The following STK3 variants were observed in gnomAD, a reference collection of about 807,000 sequenced individuals.
The protein encoded by STK3 is serine/threonine-protein kinase 3.
In STK3, 41 loss-of-function variants were observed where a neutral mutation model predicts 58.0. The ratio of observed to expected loss-of-function variants is 0.71; its 90% CI spans 0.55 to 0.92. STK3 has a LOEUF of 0.92. STK3 is among the 40% of genes least tolerant of loss of function. The pLI, the probability that STK3 is intolerant of heterozygous loss-of-function variation, is 0.00. For synonymous variants in STK3, 170 were observed against 191.0 expected (o/e 0.89, Z 0.91); for missense variants, 479 against 602.7 (o/e 0.79, Z 2.15).
intron 1 of STK3, among the ~76,000 whole-genome samples, chr8:98,814,120 A>G (rs1268007605): frequency 2.0e-5 from 3 of 152,018 alleles, no homozygotes; most frequent in African/African-American, 7.3e-5. Context: ...GCATGATCTC[A>G]GTTCACTGCA....
chr8:98,750,581 C>T (rs1452757526), intron 3 of STK3, among the ~76,000 whole-genome samples: 2 of 151,480 alleles, frequency 1.3e-5, no homozygotes, highest in East Asian at 1.9e-4. Flanking sequence ...TTTAGCTATG[C>T]TCTAACACTG....
At chr8:98,682,668 C>T (rs1823722293) in intron 6 of STK3, among the ~76,000 whole-genome samples, 1 of 152,064 alleles carries the variant, frequency 6.6e-6, no homozygotes, top group African/African-American at 2.4e-5. Context: ...CAGCTGAATT[C>T]TATTCTACAG....
intron 1 of STK3, among the ~76,000 whole-genome samples, chr8:98,795,565 T>G (rs922076138): frequency 4.6e-5 from 7 of 151,822 alleles, no homozygotes; most frequent in African/African-American, 1.5e-4. Context: ...AAGAAAGAAA[T>G]AAAAGGCATC....
intron 1 of STK3, among the ~76,000 whole-genome samples, chr8:98,923,833 G>C (rs1839665612): frequency 8.9e-6 from 1 of 111,836 alleles, no homozygotes; most frequent in South Asian, 2.8e-4. Flanking sequence ...AAAAACGTGT[G>C]TGTGTGTGTG....
chr8:98,502,479 G>T (rs1823687322), intron 10 of STK3, among the ~76,000 whole-genome samples: 1 of 152,140 alleles, frequency 6.6e-6, no homozygotes, highest in Non-Finnish European at 1.5e-5. Context: ...TCCCTGTCTT[G>T]TGCAAGTTTT....
At chr8:98,880,703 C>T (rs904285972), downstream of STK3, 11 of 152,030 alleles carry the variant, frequency 7.2e-5, no homozygotes, top group South Asian at 2.1e-4. Context: ...GATATACAGA[C>T]GGAAAATAAG....
At chr8:98,866,155 C>T (rs968315296) in intron 3 of STK3, among the ~76,000 whole-genome samples, 6 of 152,250 alleles carry the variant, frequency 3.9e-5, no homozygotes, top group African/African-American at 1.4e-4. Context: ...GTTCTCAAAG[C>T]ACCTCCTGTT....
chr8:98,492,264 G>A (rs1169502000), intron 10 of STK3, among the ~76,000 whole-genome samples: 1 of 152,172 alleles, frequency 6.6e-6, no homozygotes, highest in Non-Finnish European at 1.5e-5. Context: ...TAAAAACAAA[G>A]CAAGCAGTAA....
At chr8:98,735,895 G>A (rs1015679003) in intron 4 of STK3, among the ~76,000 whole-genome samples, 1 of 152,164 alleles carries the variant, frequency 6.6e-6, no homozygotes, top group South Asian at 2.1e-4. Flanking sequence ...AGATTTTGAA[G>A]GTCCTTCTTT....
At chr8:98,638,077 C>T (rs954425823) in intron 6 of STK3, among the ~76,000 whole-genome samples, 2 of 151,814 alleles carry the variant, frequency 1.3e-5, no homozygotes, top group African/African-American at 4.8e-5. Flanking sequence ...TTTTTTTTGG[C>T]TAAGAAATTT....
chr8:98,411,083 G>C (rs908784707), intron 3 of STK3, among the ~76,000 whole-genome samples: 3 of 152,154 alleles, frequency 2.0e-5, no homozygotes, highest in African/African-American at 7.2e-5. Context: ...ATTTGTACAC[G>C]CCTACTAAGT....
chr8:98,496,858 G>A (rs1004305445), intron 10 of STK3, among the ~76,000 whole-genome samples: 2 of 151,988 alleles, frequency 1.3e-5, no homozygotes, highest in Admixed American at 6.6e-5. Flanking sequence ...TTTCAGATTT[G>A]TAAGATGAAA....
At chr8:98,732,623 G>A (rs1432594986) in intron 4 of STK3, among the ~76,000 whole-genome samples, 1 of 152,042 alleles carries the variant, frequency 6.6e-6, no homozygotes, top group Non-Finnish European at 1.5e-5. Context: ...CAAAACAAAG[G>A]TAAAAACCAA....
intron 1 of STK3, among the ~76,000 whole-genome samples, chr8:98,922,372 C>T (rs1839598298): frequency 6.6e-6 from 1 of 152,210 alleles, no homozygotes; most frequent in Non-Finnish European, 1.5e-5. Flanking sequence ...GAACCACCTA[C>T]CTCCAGCCTT....
chr8:98,656,812 T>A (rs1219955011), intron 6 of STK3, among the ~76,000 whole-genome samples: 3 of 152,134 alleles, frequency 2.0e-5, no homozygotes, highest in African/African-American at 7.2e-5. Context: ...CAATTCTGAT[T>A]CATTTGCTGT....
chr8:98,916,287 A>ATG (rs1370623841), intron 1 of STK3, among the ~76,000 whole-genome samples: 3 of 152,066 alleles, frequency 2.0e-5, no homozygotes, highest in African/African-American at 7.2e-5. Flanking sequence ...GGTGGCAGGC[A>ATG]CCTGTAATCC....
intron 3 of STK3, among the ~76,000 whole-genome samples, chr8:98,416,126 C>T (rs941513350): frequency 2.6e-5 from 4 of 152,186 alleles, no homozygotes; most frequent in African/African-American, 7.2e-5. Context: ...ATGCAAGTTG[C>T]CACCTCAGAT....
At chr8:98,599,250 T>C (rs1041653099) in intron 6 of STK3, among the ~76,000 whole-genome samples, 4 of 152,116 alleles carry the variant, frequency 2.6e-5, no homozygotes, top group African/African-American at 4.8e-5. Context: ...ATAGCAAACA[T>C]AATACACAGG....
chr8:98,619,602 C>T (rs1227318890), intron 6 of STK3, among the ~76,000 whole-genome samples: 6 of 103,856 alleles, frequency 5.8e-5, no homozygotes, highest in Non-Finnish European at 1.2e-4. Flanking sequence ...CTACAATGAA[C>T]TCAAACAAAT....
Sources: gnomAD v4.1 joint callset for allele counts (sites outside exome capture counted in the v4.1 genomes callset) on GRCh38, gnomAD v4.1.1 for gene constraint, MANE v1.5 for transcripts, NCBI Gene and HGNC (gene_info 2026-07-23, HGNC 2026-07-21) for gene names.